The following SDCCAG8 variants were observed in gnomAD, a reference collection of about 807,000 sequenced individuals.
SDCCAG8 encodes SHH signaling and ciliogenesis regulator SDCCAG8.
Under a neutral mutation model 101.8 loss-of-function variants are expected in SDCCAG8, and 74 were observed. The observed-to-expected ratio is 0.73, with a 90% confidence interval of 0.60 to 0.88. SDCCAG8 has a LOEUF of 0.88. Ranked by LOEUF, SDCCAG8 falls within the 40% of genes least tolerant of loss-of-function variation. SDCCAG8 has a pLI of 0.00. For missense variants in SDCCAG8, 787 were observed against 822.6 expected (o/e 0.96, Z 0.53); for synonymous variants, 281 against 292.9 (o/e 0.96, Z 0.41).
At chr1:243,395,927 A>C (rs1466064408) in intron 13 of SDCCAG8, among the ~76,000 whole-genome samples, 3 of 152,054 alleles carry the variant, frequency 2.0e-5, no homozygotes, top group African/African-American at 4.8e-5. Flanking sequence ...ATTTTACTTG[A>C]TACAAGCATC....
At chr1:243,391,277 G>T (rs1407450839) in intron 13 of SDCCAG8, among the ~76,000 whole-genome samples, 2 of 152,194 alleles carry the variant, frequency 1.3e-5, no homozygotes, top group Non-Finnish European at 1.5e-5. Context: ...CAAGTAAGAG[G>T]CTTAGGGAAT....
intron 16 of SDCCAG8, among the ~76,000 whole-genome samples, chr1:243,446,428 G>T (rs1351266505): frequency 6.6e-6 from 1 of 152,064 alleles, no homozygotes; most frequent in African/African-American, 2.4e-5. Context: ...CACCATGCCG[G>T]CTAATTTTTG....
rs905380915 is a variant in SDCCAG8, at chr1:243,474,398, C to T, written c.1986-14616C>T. Among the ~76,000 whole-genome samples the T allele has an allele frequency of 6.6e-6, 1 of 152,142 alleles. No homozygotes were observed. Among genetic ancestry groups the T allele is most frequent in the African/African-American group, 2.4e-5 (1 of 41,448 alleles). On this transcript the variant is annotated intron_variant, in intron 16 of 17. Transcript: ENST00000366541. This position sits in a 1 kb window ranked among gnomAD's most constrained non-coding sequence, Gnocchi z 4.7. ...GCACCCAGCCTCCCCAAGCCCCGGC[C>T]GGCTGCCCTCCAGGTGCGGGCTCCA... is the stretch of plus-strand genomic sequence containing the variant.
At chr1:243,414,199 GA>G (rs1193385289) in intron 13 of SDCCAG8, among the ~76,000 whole-genome samples, 2 of 152,166 alleles carry the variant, frequency 1.3e-5, no homozygotes, top group Non-Finnish European at 2.9e-5. Flanking sequence ...GAGAGGGGAA[GA>G]ATTTTGAGTT....
At chr1:243,319,654 T>C (rs1435180515) in intron 9 of SDCCAG8, among the ~76,000 whole-genome samples, 2 of 152,204 alleles carry the variant, frequency 1.3e-5, no homozygotes, top group Non-Finnish European at 2.9e-5. Context: ...ATTACAGGCG[T>C]GAGCCACCGC....
chr1:243,267,520 T>C, intron 1 of SDCCAG8: 2 of 395,612 alleles, frequency 5.1e-6, no homozygotes, highest in South Asian at 2.1e-5. Flanking sequence ...GAGAATCGCT[T>C]GAACCCGAGA....
Position 243,499,792 on chromosome 1 carries a change from T to C in SDCCAG8, c.*7T>C, listed in dbSNP as rs747348160. 1.2e-6 allele frequency: 2 copies of C among 1,611,984 alleles called. No homozygotes were observed. Among genetic ancestry groups the C allele is most frequent in the East Asian group, 2.2e-5 (1 of 44,880 alleles). On this transcript the variant is annotated 3_prime_UTR_variant, in exon 18 of 18. Transcript: ENST00000366541. ...GCCACAATCTGATTGCTGACCTGGATGGAACAGAGTGAAATAAATGATTTA... is the reference window on the plus strand; with the variant it reads ...GCCACAATCTGATTGCTGACCTGGACGGAACAGAGTGAAATAAATGATTTA...
chr1:243,310,251 T>A (rs2072592299), intron 8 of SDCCAG8, among the ~76,000 whole-genome samples: 2 of 152,128 alleles, frequency 1.3e-5, no homozygotes, highest in African/African-American at 4.8e-5. Context: ...ATTCATATAG[T>A]CTCAATATAA....
chr1:243,372,251 C>T (rs2077334267), intron 12 of SDCCAG8, among the ~76,000 whole-genome samples: 1 of 152,116 alleles, frequency 6.6e-6, no homozygotes, highest in Admixed American at 6.6e-5. Context: ...CCAGTTCCTT[C>T]TTTTAACTTG....
At chr1:243,498,459 A>T (rs1449646858) in intron 17 of SDCCAG8, among the ~76,000 whole-genome samples, 9 of 152,042 alleles carry the variant, frequency 5.9e-5, no homozygotes, top group Non-Finnish European at 1.2e-4. Context: ...TACGAGGAGG[A>T]GTGAGGCCTC....
chr1:243,429,040 C>T (rs1164212461), intron 16 of SDCCAG8, among the ~76,000 whole-genome samples: 1 of 152,094 alleles, frequency 6.6e-6, no homozygotes, highest in Non-Finnish European at 1.5e-5. Flanking sequence ...GGGACCCATA[C>T]GAAGTGCCAC....
At chr1:243,427,499 C>T (rs1295408962) in intron 16 of SDCCAG8, among the ~76,000 whole-genome samples, 1 of 152,018 alleles carries the variant, frequency 6.6e-6, no homozygotes, top group African/African-American at 2.4e-5. Flanking sequence ...ACCGCATGCA[C>T]GATGATAGCA....
At chr1:243,484,915 G>C (rs142704241) in intron 16 of SDCCAG8, among the ~76,000 whole-genome samples, 1 of 151,984 alleles carries the variant, frequency 6.6e-6, no homozygotes. Context: ...GTGGTGGTGC[G>C]CGCCTATAGT....
intron 16 of SDCCAG8, among the ~76,000 whole-genome samples, chr1:243,476,557 A>G (rs3006916): frequency 0.21 from 31,997 of 152,124 alleles, 3,593 homozygotes; most frequent in African/African-American, 0.27. Context: ...GGAGCACCAG[A>G]AAGTCCCCAT....
rs920471394 is a variant in SDCCAG8 at position 243,322,167 on chromosome 1, C to T, written c.1068+5274C>T. 7.9e-5 allele frequency among the ~76,000 whole-genome samples: 12 copies of T among 152,328 alleles called. No individual in the cohort carries two copies. The East Asian group carries it at 1.4e-3, about 17-fold the overall frequency. ...CCTATGCACATAGAAGCCAATGCTA[C>T]GGCACTGGCTTTTAAGAAAAGAAAA... On this transcript the variant is annotated intron_variant, in intron 9 of 17. Coordinates refer to ENST00000366541, the MANE Select transcript of SDCCAG8 (RefSeq NM_006642.5).
intron 13 of SDCCAG8, among the ~76,000 whole-genome samples, chr1:243,389,465 T>G (rs2078563252): frequency 6.6e-6 from 1 of 152,210 alleles, no homozygotes; most frequent in African/African-American, 2.4e-5. Flanking sequence ...CCATGATGGC[T>G]GCTTGTTAGT....
At chr1:243,397,437 C>T (rs2079093151) in intron 13 of SDCCAG8, among the ~76,000 whole-genome samples, 1 of 152,064 alleles carries the variant, frequency 6.6e-6, no homozygotes, top group South Asian at 2.1e-4. Context: ...TATGATAATA[C>T]TAAAATTATG....
intron 15 of SDCCAG8, among the ~76,000 whole-genome samples, chr1:243,425,618 G>T (rs2148040319): frequency 6.6e-6 from 1 of 152,224 alleles, no homozygotes; most frequent in South Asian, 2.1e-4. Flanking sequence ...CATTCTAACT[G>T]ATTAGGCATT....
At chr1:243,310,076 A>T (rs535618909) in intron 8 of SDCCAG8, among the ~76,000 whole-genome samples, 22 of 151,794 alleles carry the variant, frequency 1.4e-4, no homozygotes, top group Non-Finnish European at 2.8e-4. Context: ...GTTGGCTAGG[A>T]TGGTCTCGAT....
Sources: allele counts gnomAD v4.1 joint callset (sites outside exome capture counted in the v4.1 genomes callset), GRCh38; gene constraint gnomAD v4.1.1; non-coding constraint Gnocchi (gnomAD v3.1); transcripts MANE v1.5; gene names NCBI Gene and HGNC (gene_info 2026-07-23, HGNC 2026-07-21).